Variants in AUTS2 observed in about 807,000 individuals in gnomAD.
AUTS2 encodes the protein autism susceptibility gene 2 protein.
In AUTS2, 17 loss-of-function variants were observed where a neutral mutation model predicts 112.4. The observed-to-expected ratio is 0.15, with a 90% CI of 0.10 to 0.23. AUTS2 has a LOEUF of 0.23. AUTS2 is among the 10% of genes least tolerant of loss of function. AUTS2 has a pLI of 1.00. For missense variants in AUTS2, 1,510 were observed against 1,701.6 expected, an observed-to-expected ratio of 0.89 and a Z score of 1.98; for synonymous variants, 751 against 702.7, an observed-to-expected ratio of 1.07 and a Z score of -1.09.
At chr7:70,454,047 C>A (rs949706535) in intron 5 of AUTS2, among the ~76,000 whole-genome samples, 1 of 152,052 alleles carries the variant, frequency 6.6e-6, no homozygotes, top group Non-Finnish European at 1.5e-5. Context: ...CATGATTGTC[C>A]CCTGTGGGTT....
At chr7:70,123,904 T>A (rs1413955841) in intron 3 of AUTS2, among the ~76,000 whole-genome samples, 3 of 152,210 alleles carry the variant, frequency 2.0e-5, no homozygotes, top group African/African-American at 7.2e-5. Flanking sequence ...GTTATGCTTT[T>A]AGCTTTTGAG....
intron 4 of AUTS2, among the ~76,000 whole-genome samples, chr7:70,267,356 C>G (rs1176477736): frequency 6.8e-6 from 1 of 147,922 alleles, no homozygotes. Flanking sequence ...TGAGCTGTTT[C>G]TTTTTTCCCT....
chr7:70,771,447 C>A, intron 10 of AUTS2, 102 bp from the exon 11 acceptor site: 2 of 884,242 alleles, frequency 2.3e-6, no homozygotes, highest in Non-Finnish European at 3.5e-6. Flanking sequence ...ACTGAGATTA[C>A]GTGGCTTGCT....
chr7:69,743,064 G>A (rs1787336017), intron 1 of AUTS2, among the ~76,000 whole-genome samples: 1 of 152,174 alleles, frequency 6.6e-6, no homozygotes, highest in East Asian at 1.9e-4. Context: ...CTTTAGGTGG[G>A]AAAGTAGCTT....
chr7:70,619,722 T>C (rs1046797137), intron 5 of AUTS2, among the ~76,000 whole-genome samples: 1 of 152,142 alleles, frequency 6.6e-6, no homozygotes, highest in African/African-American at 2.4e-5. Context: ...GAGAATTGCC[T>C]GTTTGGAGGA....
intron 4 of AUTS2, among the ~76,000 whole-genome samples, chr7:70,142,202 C>A (rs1245372203): frequency 6.6e-6 from 1 of 152,188 alleles, no homozygotes; most frequent in Admixed American, 6.5e-5. Flanking sequence ...AAATAGCCCT[C>A]AGCCGTTATC....
intron 1 of AUTS2, among the ~76,000 whole-genome samples, chr7:69,714,981 G>C (rs1168101071): frequency 6.6e-6 from 1 of 151,756 alleles, no homozygotes; most frequent in Non-Finnish European, 1.5e-5. Flanking sequence ...CCTTAGTGCT[G>C]TTCTTAAGAC....
At chr7:70,083,603 A>G (rs1584693980) in intron 2 of AUTS2, among the ~76,000 whole-genome samples, 1 of 152,170 alleles carries the variant, frequency 6.6e-6, no homozygotes, top group South Asian at 2.1e-4. Context: ...TTTAAACTAT[A>G]CAACTTGATA....
chr7:70,488,568 C>G (rs977926215), intron 5 of AUTS2, among the ~76,000 whole-genome samples: 3 of 152,164 alleles, frequency 2.0e-5, no homozygotes, highest in African/African-American at 7.2e-5. Flanking sequence ...CTGAAAGCTG[C>G]AGGCCAAGCC....
intron 2 of AUTS2, among the ~76,000 whole-genome samples, chr7:70,074,562 A>C (rs1427250789): frequency 6.6e-6 from 1 of 152,086 alleles, no homozygotes; most frequent in Admixed American, 6.5e-5. Context: ...GTGTCCTTGC[A>C]GTTTAGTTGT....
chr7:70,591,969 A>G (rs1363437645), intron 5 of AUTS2, among the ~76,000 whole-genome samples: 1 of 152,208 alleles, frequency 6.6e-6, no homozygotes, highest in Non-Finnish European at 1.5e-5. Context: ...TTCAATAGAG[A>G]TGATCATCTA....
chr7:69,839,931 T>C (rs984887056), intron 1 of AUTS2, among the ~76,000 whole-genome samples: 3 of 152,150 alleles, frequency 2.0e-5, no homozygotes, highest in East Asian at 1.9e-4. Flanking sequence ...ACAGGAATCA[T>C]TGTAGACCAG....
chr7:70,570,651 TC>T (rs1326442913), intron 5 of AUTS2, among the ~76,000 whole-genome samples: 1 of 152,208 alleles, frequency 6.6e-6, no homozygotes, highest in Non-Finnish European at 1.5e-5. Flanking sequence ...CTTCTCTGTG[TC>T]CTGCTAAGAC....
At chr7:70,546,854 G>A (rs938981211) in intron 5 of AUTS2, among the ~76,000 whole-genome samples, 12 of 152,026 alleles carry the variant, frequency 7.9e-5, no homozygotes, top group African/African-American at 2.9e-4. Flanking sequence ...ATCCAAAGAC[G>A]TCTTATGTGG....
At chr7:70,491,611 GTGTGT>G (rs1798248228) in intron 5 of AUTS2, among the ~76,000 whole-genome samples, 1 of 149,280 alleles carries the variant, frequency 6.7e-6, no homozygotes, top group Admixed American at 6.7e-5. Flanking sequence ...GTGTGTGTGT[GTGTGT>G]GTGTGTGTAT....
rs1794739317 is a variant in AUTS2 at position 70,410,705 on chromosome 7, G to A, written c.661-25047G>A. On this transcript the variant is annotated intron_variant, in intron 4 of 18. Coordinates refer to ENST00000342771, the MANE Select transcript of AUTS2 (RefSeq NM_015570.4). ...AAAAGTGCCAGGATTACAAGCGTGA[G>A]CCACTGCGCCTGGCTGGGTTTACCT... 1.3e-5 allele frequency among the ~76,000 whole-genome samples: 2 copies of A among 151,902 alleles called. 1 individual carries two copies. Among genetic ancestry groups the A allele is most frequent in the South Asian group, 4.2e-4 (2 of 4,818 alleles).
intron 1 of AUTS2, among the ~76,000 whole-genome samples, chr7:69,792,779 T>C (rs762826225): frequency 2.6e-5 from 4 of 152,108 alleles, no homozygotes; most frequent in Admixed American, 1.3e-4. Flanking sequence ...CAAGTGTACA[T>C]ACATTACCAG....
chr7:70,726,724 C>T (rs1351752889), intron 6 of AUTS2, among the ~76,000 whole-genome samples: 1 of 152,150 alleles, frequency 6.6e-6, no homozygotes, highest in Non-Finnish European at 1.5e-5. Context: ...TTTAATGCTC[C>T]AGTTTAGAGG....
chr7:69,997,456 T>C (rs1354024284), intron 2 of AUTS2, among the ~76,000 whole-genome samples: 1 of 152,148 alleles, frequency 6.6e-6, no homozygotes. Context: ...ACACCTGGTG[T>C]GTTAGTCCAT....
Sources: gnomAD v4.1 joint callset for allele counts (sites outside exome capture counted in the v4.1 genomes callset) on GRCh38, gnomAD v4.1.1 for gene constraint, MANE v1.5 for transcripts, NCBI Gene and HGNC (gene_info 2026-07-23, HGNC 2026-07-21) for gene names.